Variants in UTRN observed in about 807,000 individuals in gnomAD.
UTRN encodes dystrophin-related protein 1.
In UTRN, 283 loss-of-function variants were observed where a neutral mutation model predicts 463.9. The ratio of observed to expected loss-of-function variants is 0.61; its 90% confidence interval spans 0.55 to 0.67. The LOEUF (loss-of-function observed/expected upper bound fraction) is 0.67, where lower values mean the gene tolerates loss of function less well. Among genes scored for constraint, UTRN ranks in the 30% least tolerant of loss-of-function variants. The pLI is 0.00. For synonymous variants in UTRN, 1,442 were observed against 1,431.5 expected (o/e 1.01, Z -0.17); for missense variants, 3,922 against 4,084.3 (o/e 0.96, Z 1.08).
In UTRN at chr6:144,578,157, C is replaced by T. The variant is rs539677611; in HGVS notation, c.7479+869C>T. 3.3e-5 allele frequency among the ~76,000 whole-genome samples: 5 copies of T among 152,172 alleles called. No homozygotes were observed. The South Asian group carries it at 6.2e-4, about 19-fold the overall frequency. ...GGTGGAGGTTGCAGTCAGCCAAGAT[C>T]GCACTACTACACTTCATTCTAGGTG... On this transcript the variant is annotated intron_variant, in intron 51 of 74. Coordinates refer to ENST00000367545, the MANE Select transcript of UTRN (RefSeq NM_007124.3).
intron 68 of UTRN, 36 bp downstream of exon 68, chr6:144,827,712 C>A: frequency 6.3e-7 from 1 of 1,595,812 alleles, no homozygotes; most frequent in Non-Finnish European, 8.6e-7. Context: ...CACTGCACTG[C>A]CACCCAGAAT....
chr6:144,747,859 T>TA (rs1562856866), intron 54 of UTRN, among the ~76,000 whole-genome samples: 1 of 152,252 alleles, frequency 6.6e-6, no homozygotes, highest in African/African-American at 2.4e-5. Context: ...TAATTATACT[T>TA]ACCATTTCTC....
intron 2 of UTRN, among the ~76,000 whole-genome samples, chr6:144,393,527 A>G (rs975023744): frequency 6.6e-6 from 1 of 152,222 alleles, no homozygotes; most frequent in South Asian, 2.1e-4. Flanking sequence ...CCAGAAGAGA[A>G]ATGGTAGAAA....
At chr6:144,748,643 C>T in intron 55 of UTRN, 129 bp downstream of exon 55, 1 of 1,249,114 alleles carries the variant, frequency 8.0e-7, no homozygotes, top group Non-Finnish European at 1.1e-6. Context: ...GCAACCCCAC[C>T]CATCAGGAGT....
chr6:144,339,596 T>G (rs1776987593), intron 2 of UTRN, among the ~76,000 whole-genome samples: 1 of 152,172 alleles, frequency 6.6e-6, no homozygotes, highest in Admixed American at 6.5e-5. Flanking sequence ...TCTAAAATTA[T>G]TTCAAGATAA....
At chr6:144,628,478 A>T (rs1252073161) in intron 51 of UTRN, among the ~76,000 whole-genome samples, 1 of 152,128 alleles carries the variant, frequency 6.6e-6, no homozygotes, top group Non-Finnish European at 1.5e-5. Flanking sequence ...ATCCCACAAG[A>T]ATTCCACTGA....
chr6:144,595,760 T>G (rs1357256002), intron 51 of UTRN, among the ~76,000 whole-genome samples: 1 of 152,222 alleles, frequency 6.6e-6, no homozygotes, highest in Non-Finnish European at 1.5e-5. Flanking sequence ...AAGGAAGATC[T>G]TTCTTGAATT....
intron 23 of UTRN, among the ~76,000 whole-genome samples, chr6:144,469,409 A>G (rs1790279969): frequency 6.6e-6 from 1 of 152,208 alleles, no homozygotes; most frequent in Admixed American, 6.5e-5. Flanking sequence ...GTTTTTCAGA[A>G]CAACCAGACA....
chr6:144,604,027 T>C (rs1490097527), intron 51 of UTRN, among the ~76,000 whole-genome samples: 1 of 152,214 alleles, frequency 6.6e-6, no homozygotes, highest in African/African-American at 2.4e-5. Flanking sequence ...TCCATTTTTC[T>C]GCTTCCTTGT....
intron 25 of UTRN, among the ~76,000 whole-genome samples, chr6:144,477,533 T>TACACACACACAC (rs10651559): frequency 6.8e-6 from 1 of 146,850 alleles, no homozygotes; most frequent in African/African-American, 2.5e-5. Flanking sequence ...TTTCTCTTTA[T>TACACACACACAC]ACACACACAC....
intron 53 of UTRN, among the ~76,000 whole-genome samples, chr6:144,729,038 G>A (rs965540568): frequency 1.3e-5 from 2 of 152,018 alleles, no homozygotes; most frequent in Non-Finnish European, 2.9e-5. Context: ...CAGTAATAGT[G>A]GTTTCTAGAG....
intron 51 of UTRN, among the ~76,000 whole-genome samples, chr6:144,648,276 T>C (rs80164193): frequency 6.6e-6 from 1 of 152,328 alleles, no homozygotes; most frequent in Non-Finnish European, 1.5e-5. Context: ...TTTTCAATTA[T>C]AGTGCAAGGA....
chr6:144,803,036 G>A lies in UTRN; in HGVS notation c.9246G>A (p.Arg3082=), dbSNP rs1777839885. 2 of 1,560,748 alleles carry A rather than the reference G, an allele frequency of 1.3e-6. No individual in the cohort carries two copies. Among genetic ancestry groups the A allele is most frequent in the Non-Finnish European group, 1.7e-6 (2 of 1,157,008 alleles). ...ATAAATTTTCTTTTGTTTTCTCTAG[G>A]TATAGAAGCCTTAAGCATTTTAACT... ...ICKECPIVGF[R]YRSLKHFNYD... is the part of the protein sequence containing the mutation. Residue 3082 remains arginine, a splice_region_variant and synonymous_variant, in exon 65 of 75, where the codon AGG becomes AGA. Coordinates refer to ENST00000367545, the MANE Select transcript of UTRN (RefSeq NM_007124.3).
Position 144,678,112 on chromosome 6 carries a change from C to G in UTRN, c.7480-294C>G, listed in dbSNP as rs146803111. Among the ~76,000 whole-genome samples the G allele has an allele frequency of 6.2e-3, 938 of 152,080 alleles. 7 individuals are homozygous for G. The highest frequency in any genetic ancestry group is 0.022 in the African/African-American group (905 of 41,482). ...AGTAATTGATAGATTCAGTGCTATT[C>G]CCATCAAGCTACCATTGACTTTCTT... is the stretch of plus-strand genomic sequence containing the variant. On this transcript the variant is annotated intron_variant, in intron 51 of 74. Coordinates refer to ENST00000367545, the MANE Select transcript of UTRN (RefSeq NM_007124.3).
At chr6:144,842,650 A>G (rs1043072133) in intron 73 of UTRN, among the ~76,000 whole-genome samples, 3 of 152,216 alleles carry the variant, frequency 2.0e-5, no homozygotes, top group African/African-American at 7.2e-5. Context: ...ATTTTCAGGA[A>G]TATTTGCCTG....
chr6:144,853,023 A>G lies in UTRN; in HGVS notation c.*2026A>G, dbSNP rs1782568000. On this transcript the variant is annotated 3_prime_UTR_variant, in exon 75 of 75. Coordinates refer to ENST00000367545, the MANE Select transcript of UTRN (RefSeq NM_007124.3). Reference sequence around the variant, plus strand: ...GTATTTTTCATCCTGAATAAAAGTAATTTTAACACAAGATGACTTTGATAT... The same window carrying G: ...GTATTTTTCATCCTGAATAAAAGTAGTTTTAACACAAGATGACTTTGATAT... The G allele has an allele frequency of 6.6e-6, 1 of 152,216 alleles. No individual in the cohort carries two copies. The highest frequency in any genetic ancestry group is 6.5e-5 in the Admixed American group (1 of 15,278). The allele number at this position is 152,216 out of a possible 1,614,324, so 9.4% of individuals were successfully genotyped here.
chr6:144,583,068 C>T (rs1470292194), intron 51 of UTRN: 1 of 159,488 alleles, frequency 6.3e-6, no homozygotes, highest in Non-Finnish European at 1.4e-5. Context: ...AGGGCATGCA[C>T]CGTGGTGGTG....
intron 2 of UTRN, among the ~76,000 whole-genome samples, chr6:144,348,081 G>T (rs550347219): frequency 6.6e-6 from 1 of 151,922 alleles, no homozygotes; most frequent in Non-Finnish European, 1.5e-5. Flanking sequence ...TCCTGAGCTC[G>T]AGTGATCCTC....
chr6:144,476,097 G>C (rs1411404031), intron 25 of UTRN, among the ~76,000 whole-genome samples: 2 of 149,914 alleles, frequency 1.3e-5, no homozygotes, highest in African/African-American at 4.9e-5. Context: ...AAAAATTGTA[G>C]AGATGGGGTT....
Sources: allele counts gnomAD v4.1 joint callset (sites outside exome capture counted in the v4.1 genomes callset), GRCh38; gene constraint gnomAD v4.1.1; transcripts MANE v1.5; gene names NCBI Gene and HGNC (gene_info 2026-07-23, HGNC 2026-07-21).